The following MKNK1 variants were observed in gnomAD, a reference collection of about 807,000 sequenced individuals.
MKNK1 encodes MAP kinase-interacting serine/threonine-protein kinase 1.
MKNK1 carries 30 observed loss-of-function variants against 49.3 expected under a neutral mutation model. The ratio of observed to expected loss-of-function variants is 0.61; its 90% CI spans 0.46 to 0.83. The LOEUF (loss-of-function observed/expected upper bound fraction) is 0.83, where lower values mean the gene tolerates loss of function less well. Among genes scored for constraint, MKNK1 ranks in the 40% least tolerant of loss-of-function variants. The probability of loss-of-function intolerance (pLI) is 0.00; values close to 1 mark genes in which losing one functional copy is unlikely to be tolerated. For synonymous variants in MKNK1, 176 were observed against 201.7 expected (o/e 0.87, Z 1.08); for missense variants, 423 against 524.7 (o/e 0.81, Z 1.89).
intron 2 of MKNK1, among the ~76,000 whole-genome samples, chr1:46,592,965 G>C (rs879264355): frequency 2.6e-4 from 39 of 152,076 alleles, no homozygotes; most frequent in Non-Finnish European, 4.9e-4. Flanking sequence ...TGGCACCACC[G>C]GGGACCTTCA....
intron 10 of MKNK1, 134 bp downstream of exon 10, chr1:46,562,515 G>A: frequency 5.8e-6 from 6 of 1,027,984 alleles, no homozygotes; most frequent in Non-Finnish European, 8.1e-6. Context: ...TGGCCACCGT[G>A]ACAGGAGCGG....
chr1:46,580,453 TA>T, intron 4 of MKNK1, 76 bp downstream of exon 4: 3 of 1,008,190 alleles, frequency 3.0e-6, no homozygotes, highest in Non-Finnish European at 4.7e-6. Context: ...TTATGGAATA[TA>T]ACATTTATTT....
intron 1 of MKNK1, 92 bp from the exon 2 acceptor site, chr1:46,594,372 C>G (rs1673770968): frequency 1.7e-6 from 1 of 585,810 alleles, no homozygotes; most frequent in East Asian, 3.0e-5. Context: ...TGCCCCAAAC[C>G]TATGAGTTAC....
At chr1:46,568,524 G>A in intron 7 of MKNK1, 26 bp from the exon 8 acceptor site, 1 of 1,605,406 alleles carries the variant, frequency 6.2e-7, no homozygotes, top group Admixed American at 1.7e-5. Context: ...GCAAAAAAAT[G>A]GTTAACATAT....
At chr1:46,572,446 C>CT in intron 6 of MKNK1, 6 of 253,452 alleles carry the variant, frequency 2.4e-5, no homozygotes, top group Non-Finnish European at 4.0e-5. Flanking sequence ...TCTCGAACTC[C>CT]CGACCAAGTG....
intron 1 of MKNK1, among the ~76,000 whole-genome samples, chr1:46,597,962 G>A (rs1674288411): frequency 6.6e-6 from 1 of 152,250 alleles, no homozygotes. Flanking sequence ...TGAGGTTAAA[G>A]AGACCAAGGC....
In MKNK1 at chr1:46,566,594, A is replaced by C. The variant is rs562970888; in HGVS notation, c.514-1458T>G. Among the ~76,000 whole-genome samples the C allele has an allele frequency of 1.9e-3, 293 of 152,344 alleles. 1 individual carries two copies. Among genetic ancestry groups the C allele is most frequent in the African/African-American group, 6.9e-3 (286 of 41,576 alleles). ...TCCACAGAAGCTGCACCATTATATA[A>C]TCTCACCAGCAATGTATGAGGGTTA... On this transcript the variant is annotated intron_variant, in intron 8 of 12. Transcript: ENST00000371945.
chr1:46,572,784 A>G (rs1347543840), intron 6 of MKNK1, among the ~76,000 whole-genome samples: 1 of 152,216 alleles, frequency 6.6e-6, no homozygotes, highest in Non-Finnish European at 1.5e-5. Context: ...TGCAATCAAA[A>G]GGAATAAAAC....
intron 12 of MKNK1, 141 bp downstream of exon 12, chr1:46,560,093 A>T: frequency 1.1e-6 from 1 of 906,724 alleles, no homozygotes; most frequent in Non-Finnish European, 1.7e-6. Flanking sequence ...GTAGAGGAAA[A>T]GAGAGTGAGG....
chr1:46,590,111 G>A (rs1015774618), intron 2 of MKNK1, among the ~76,000 whole-genome samples: 1 of 152,192 alleles, frequency 6.6e-6, no homozygotes, highest in Non-Finnish European at 1.5e-5. Flanking sequence ...GCAGAGAAGT[G>A]TAATTACCAA....
rs1333597787 is a variant in MKNK1 at position 46,575,223 on chromosome 1, T to G, written c.279-203A>C. 3 of 521,444 alleles carry G rather than the reference T, an allele frequency of 5.8e-6. No individual in the cohort carries two copies. The Admixed American group carries it at 1.1e-4, about 19-fold the overall frequency. 32.3% of individuals were successfully genotyped at this position (521,444 alleles called of 1,614,324 possible). On this transcript the variant is annotated intron_variant, in intron 5 of 12. Transcript: ENST00000371945. Reference sequence around the variant, plus strand: ...AGATTCAGGTCACCTTATCTTTCCATAATGTTTAGTCTCTGGTGTTTTCAC... The same window carrying G: ...AGATTCAGGTCACCTTATCTTTCCAGAATGTTTAGTCTCTGGTGTTTTCAC...
chr1:46,576,546 A>T (rs1670986196), intron 5 of MKNK1, 29 bp downstream of exon 5: 2 of 1,587,274 alleles, frequency 1.3e-6, no homozygotes, highest in African/African-American at 2.7e-5. Flanking sequence ...GTCCCCCCAG[A>T]GAAGCAGCGA....
intron 9 of MKNK1, chr1:46,563,393 T>C: frequency 6.6e-6 from 1 of 152,576 alleles, no homozygotes. Flanking sequence ...GGGATCTGTT[T>C]GAGCACATCA....
At chr1:46,577,121 C>G (rs908623914) in intron 4 of MKNK1, among the ~76,000 whole-genome samples, 2 of 152,200 alleles carry the variant, frequency 1.3e-5, no homozygotes, top group Non-Finnish European at 2.9e-5. Context: ...CCTCCACGAT[C>G]CCCCTGGCAG....
intron 7 of MKNK1, among the ~76,000 whole-genome samples, chr1:46,570,800 C>A (rs778564500): frequency 6.6e-6 from 1 of 152,240 alleles, no homozygotes; most frequent in Admixed American, 6.5e-5. Context: ...TATTGAAGAA[C>A]TATGACATAC....
Position 46,558,694 on chromosome 1 carries a change from G to A in MKNK1, c.1120C>T (p.Leu374=), listed in dbSNP as rs760142792. The change falls in exon 13 of 13, where the codon CTA becomes TTA. Residue 374 remains leucine (L), a synonymous_variant. Coordinates refer to ENST00000371945, the MANE Select transcript of MKNK1 (RefSeq NM_001135553.4). Reference sequence around the variant, plus strand: ...TTCATGGAGCAGAGGCCATCAGCTAGTGCCTCTGGCTCCTCTGCTAGTTCG... The same window carrying A: ...TTCATGGAGCAGAGGCCATCAGCTAATGCCTCTGGCTCCTCTGCTAGTTCG... The part of the protein sequence containing the change: ...ENELAEEPEA[L]ADGLCSMKLS... 2.5e-6 allele frequency: 4 copies of A among 1,614,244 alleles called. No individual in the cohort carries two copies. In the South Asian group the frequency reaches 4.4e-5, roughly 18 times the overall value.
chr1:46,565,360 G>A (rs968204510), intron 8 of MKNK1: 10 of 553,174 alleles, frequency 1.8e-5, no homozygotes, highest in Non-Finnish European at 2.9e-5. Context: ...AAAAATGGGT[G>A]GACTATTTGG....
chr1:46,566,675 C>A (rs1376132567), intron 8 of MKNK1, among the ~76,000 whole-genome samples: 2 of 152,126 alleles, frequency 1.3e-5, no homozygotes, highest in Non-Finnish European at 2.9e-5. Context: ...AAATTACAGC[C>A]TACCTAGTAG....
intron 4 of MKNK1, 105 bp downstream of exon 4, chr1:46,580,425 G>A: frequency 1.2e-6 from 1 of 820,108 alleles, no homozygotes; most frequent in Non-Finnish European, 2.1e-6. Flanking sequence ...AGTGAATACA[G>A]CTTCAGAGTC....
Sources: allele counts gnomAD v4.1 joint callset (sites outside exome capture counted in the v4.1 genomes callset), GRCh38; gene constraint gnomAD v4.1.1; transcripts MANE v1.5; gene names NCBI Gene and HGNC (gene_info 2026-07-23, HGNC 2026-07-21).